The following TMEM135 variants were observed in gnomAD, a reference collection of about 807,000 sequenced individuals.
TMEM135 encodes transmembrane protein 135.
In TMEM135, 30 loss-of-function variants were observed where a neutral mutation model predicts 60.3. That is an observed-to-expected ratio of 0.50 (90% CI 0.37 to 0.68). The LOEUF (loss-of-function observed/expected upper bound fraction) is 0.68, where lower values mean the gene tolerates loss of function less well. TMEM135 is among the 30% of genes least tolerant of loss of function. TMEM135 has a pLI of 0.00. For missense variants in TMEM135, 468 were observed against 548.8 expected, an observed-to-expected ratio of 0.85 and a Z score of 1.47; for synonymous variants, 190 against 186.7, an observed-to-expected ratio of 1.02 and a Z score of -0.14.
intron 5 of TMEM135, among the ~76,000 whole-genome samples, chr11:87,199,438 GTT>G (rs1464264962): frequency 6.6e-6 from 1 of 152,172 alleles, no homozygotes; most frequent in African/African-American, 2.4e-5. Context: ...CCAGAGCTCT[GTT>G]TTATAGACAA....
chr11:87,143,407 TTTTG>T (rs1268458746), intron 4 of TMEM135, among the ~76,000 whole-genome samples: 2 of 151,774 alleles, frequency 1.3e-5, no homozygotes, highest in Admixed American at 1.3e-4. Context: ...CACTTTCCTG[TTTTG>T]TTTGTTTGTT....
At chr11:87,237,769 C>G (rs1305573704) in intron 6 of TMEM135, among the ~76,000 whole-genome samples, 1 of 151,872 alleles carries the variant, frequency 6.6e-6, no homozygotes, top group East Asian at 1.9e-4. Flanking sequence ...AGGTCTCATT[C>G]TTTCTTTTCC....
intron 6 of TMEM135, among the ~76,000 whole-genome samples, chr11:87,276,639 C>T (rs1278199406): frequency 1.4e-5 from 2 of 145,308 alleles, no homozygotes; most frequent in African/African-American, 5.1e-5. Context: ...ATAAGTTATA[C>T]AAAACTTCTT....
chr11:87,230,379 G>A (rs1177296717), intron 5 of TMEM135, among the ~76,000 whole-genome samples: 2 of 151,956 alleles, frequency 1.3e-5, no homozygotes, highest in South Asian at 4.1e-4. Flanking sequence ...GAAGTATATT[G>A]CCCCATGGCT....
chr11:87,281,677 A>G (rs1942062635), intron 6 of TMEM135, among the ~76,000 whole-genome samples: 3 of 152,164 alleles, frequency 2.0e-5, no homozygotes, highest in African/African-American at 7.2e-5. Flanking sequence ...GAAACTTTAT[A>G]CTTCCCTTCC....
Position 87,310,013 on chromosome 11 carries a change from A to G in TMEM135, c.936+341A>G, listed in dbSNP as rs1565166845. On this transcript the variant is annotated intron_variant, in intron 10 of 14. Transcript: ENST00000305494. Reference sequence around the variant, plus strand: ...AAAATGATATTAATATGCCTGGCTTATTTATTTTTTTATCATATTTACTGC... The same window carrying G: ...AAAATGATATTAATATGCCTGGCTTGTTTATTTTTTTATCATATTTACTGC... Among the ~76,000 whole-genome samples the G allele has an allele frequency of 3.9e-5, 6 of 151,958 alleles. No individual in the cohort carries two copies. The South Asian group carries it at 1.2e-3, about 32-fold the overall frequency.
intron 6 of TMEM135, among the ~76,000 whole-genome samples, chr11:87,245,991 G>A (rs1405703612): frequency 2.1e-5 from 3 of 143,518 alleles, no homozygotes; most frequent in Admixed American, 7.0e-5. Context: ...GGCTGGTACC[G>A]GTTGTGCCTT....
chr11:87,258,651 C>G (rs1362767642), intron 6 of TMEM135, among the ~76,000 whole-genome samples: 1 of 152,046 alleles, frequency 6.6e-6, no homozygotes, highest in Non-Finnish European at 1.5e-5. Context: ...AGAGTGAAGA[C>G]TGAAGTAAGT....
At chr11:87,276,008 A>G (rs1438206948) in intron 6 of TMEM135, among the ~76,000 whole-genome samples, 1 of 152,172 alleles carries the variant, frequency 6.6e-6, no homozygotes, top group Non-Finnish European at 1.5e-5. Context: ...TCTACTGCCA[A>G]GCTCCAGAAG....
chr11:87,203,750 T>C (rs1002553557), intron 5 of TMEM135, among the ~76,000 whole-genome samples: 2 of 152,208 alleles, frequency 1.3e-5, no homozygotes, highest in Non-Finnish European at 2.9e-5. Context: ...GATTGTATGG[T>C]AAAAATATGT....
intron 5 of TMEM135, among the ~76,000 whole-genome samples, chr11:87,188,576 C>T (rs544485505): frequency 1.3e-4 from 19 of 151,812 alleles, no homozygotes; most frequent in Non-Finnish European, 2.6e-4. Context: ...TGGAGGCTGG[C>T]GCCTGTAATC....
intron 5 of TMEM135, among the ~76,000 whole-genome samples, chr11:87,212,326 C>T (rs1440253525): frequency 6.6e-6 from 1 of 151,836 alleles, no homozygotes. Flanking sequence ...TAAACAGAAA[C>T]ATGTAGAATA....
chr11:87,082,214 A>G (rs565785856), intron 3 of TMEM135, among the ~76,000 whole-genome samples: 3 of 152,314 alleles, frequency 2.0e-5, no homozygotes, highest in East Asian at 1.9e-4. Flanking sequence ...TCTCTTGACA[A>G]GTTGCCTTAC....
rs1941266672 is a variant in TMEM135, at chr11:87,246,235, G to T, written c.509+9551G>T. Among the ~76,000 whole-genome samples the T allele has an allele frequency of 2.7e-5, 4 of 149,514 alleles. No individual in the cohort carries two copies. In the South Asian group the frequency reaches 8.8e-4, roughly 33 times the overall value. ...CCAAGAGATCCGCTGTTAGTCCAAT[G>T]GGCTTCCCTTTGTGGGTAACCCGAC... On this transcript the variant is annotated intron_variant, in intron 6 of 14. Transcript: ENST00000305494.
intron 6 of TMEM135, among the ~76,000 whole-genome samples, chr11:87,265,494 T>A (rs1462109323): frequency 2.0e-5 from 3 of 152,006 alleles, no homozygotes; most frequent in African/African-American, 7.2e-5. Context: ...TTCTTTTTCC[T>A]CTCTTCCTCC....
At chr11:87,038,306 G>T in intron 1 of TMEM135, 120 bp downstream of exon 1, 1 of 1,268,356 alleles carries the variant, frequency 7.9e-7, no homozygotes, top group Non-Finnish European at 1.1e-6. Context: ...CTTTTGGAGG[G>T]GTCGGAGTGT....
chr11:87,325,737 G>A lies in TMEM135; in HGVS notation c.*4404G>A, dbSNP rs751414793. 22 of 453,726 alleles carry A rather than the reference G, an allele frequency of 4.8e-5. 1 individual carries two copies. The highest frequency in any genetic ancestry group is 3.4e-4 in the South Asian group (22 of 64,472). The allele number at this position is 453,726 out of a possible 1,614,324, so 28.1% of individuals were successfully genotyped here. A position where few individuals can be genotyped will look rare whatever the true frequency, so the allele number is the denominator to read the frequency against. On this transcript the variant is annotated 3_prime_UTR_variant, in exon 15 of 15. Coordinates refer to ENST00000305494, the MANE Select transcript of TMEM135 (RefSeq NM_022918.4). ...TATATGCTCTGTTTTTCTTAGGCAG[G>A]ATGATGTAGAAGATAATTGCACAGA...
chr11:87,176,038 A>G (rs969707299), intron 5 of TMEM135, among the ~76,000 whole-genome samples: 1 of 152,040 alleles, frequency 6.6e-6, no homozygotes, highest in Non-Finnish European at 1.5e-5. Context: ...TTTATTTTTA[A>G]TTGACTTTTT....
chr11:87,111,802 A>G (rs1394408041), intron 4 of TMEM135, among the ~76,000 whole-genome samples: 1 of 152,114 alleles, frequency 6.6e-6, no homozygotes, highest in Non-Finnish European at 1.5e-5. Flanking sequence ...TTAACCTGTC[A>G]AAAGCACCCT....
Sources: allele counts gnomAD v4.1 joint callset (sites outside exome capture counted in the v4.1 genomes callset), GRCh38; gene constraint gnomAD v4.1.1; transcripts MANE v1.5; gene names NCBI Gene and HGNC (gene_info 2026-07-23, HGNC 2026-07-21).